The following ZNF644 variants were observed in gnomAD, a reference collection of about 807,000 sequenced individuals.
The protein encoded by ZNF644 is zinc finger protein 644.
A neutral mutation model predicts 108.0 loss-of-function variants in ZNF644; 20 were observed. The ratio of observed to expected loss-of-function variants is 0.19; its 90% CI spans 0.13 to 0.27. The LOEUF is 0.27. ZNF644 is among the 10% of genes least tolerant of loss of function. The probability of loss-of-function intolerance (pLI) is 1.00; values close to 1 mark genes in which losing one functional copy is unlikely to be tolerated. For synonymous variants in ZNF644, 542 were observed against 539.1 expected (o/e 1.01, Z -0.08); for missense variants, 1,338 against 1,548.9 (o/e 0.86, Z 2.29).
Position 90,969,484 on chromosome 1 carries a change from C to T in ZNF644, c.44+12826G>A, listed in dbSNP as rs186993730. On this transcript the variant is annotated intron_variant, in intron 2 of 5. Transcript: ENST00000337393. ...CAACTATGGTCTGAAAATATTAAAT[C>T]GAAAATTCCAAAAATAAACAATTCA... Among the ~76,000 whole-genome samples, 154 of 152,236 alleles carry T rather than the reference C, an allele frequency of 1.0e-3. 1 individual carries two copies. Among genetic ancestry groups the T allele is most frequent in the African/African-American group, 3.5e-3 (146 of 41,536 alleles).
chr1:90,937,587 G>C lies in ZNF644; in HGVS notation c.3586C>G (p.Gln1196Glu). 6 of 1,613,924 alleles carry C rather than the reference G, an allele frequency of 3.7e-6. No homozygotes were observed. Among genetic ancestry groups the C allele is most frequent in the Non-Finnish European group, 5.1e-6 (6 of 1,179,856 alleles). Reference protein sequence around the residue: ...SAISPQKIHNQTARKRFVQKC... With the variant: ...SAISPQKIHNETARKRFVQKC... ...TGAACGAATCTCTTTCTTGCTGTCT[G>C]ATTATGGATCTTTTGAGGAGAAATA... The change falls in exon 4 of 6, where the codon CAG becomes GAG. Residue 1196 changes from glutamine to glutamate, a missense_variant. Physicochemically the swap from Gln to Glu is conservative, Grantham distance 29 (BLOSUM62 2). Transcript: ENST00000337393.
intron 2 of ZNF644, among the ~76,000 whole-genome samples, chr1:90,980,836 A>G (rs957756689): frequency 4.6e-5 from 7 of 152,152 alleles, no homozygotes; most frequent in Non-Finnish European, 1.0e-4. Flanking sequence ...GGAAAGCACA[A>G]GGAACTTTCC....
intron 4 of ZNF644, among the ~76,000 whole-genome samples, chr1:90,928,988 C>T (rs116215634): frequency 9.2e-4 from 140 of 151,988 alleles, no homozygotes; most frequent in African/African-American, 3.0e-3. Context: ...ACTGGCTCAG[C>T]GATGAACAGT....
chr1:90,992,152 G>A (rs1273475204), intron 1 of ZNF644, among the ~76,000 whole-genome samples: 1 of 152,096 alleles, frequency 6.6e-6, no homozygotes, highest in Non-Finnish European at 1.5e-5. Context: ...CAAACAGGAA[G>A]AATACCAACA....
intron 2 of ZNF644, among the ~76,000 whole-genome samples, chr1:90,952,805 G>C (rs974295651): frequency 6.6e-6 from 1 of 152,040 alleles, no homozygotes; most frequent in Admixed American, 6.6e-5. Context: ...CAATACTTCT[G>C]AGATAATCGC....
intron 2 of ZNF644, among the ~76,000 whole-genome samples, chr1:90,943,420 A>G (rs28622465): frequency 0.013 from 1,937 of 152,316 alleles, 39 homozygotes; most frequent in African/African-American, 0.044. Flanking sequence ...CAGCCTGTGC[A>G]ACAGAGTGAG....
intron 1 of ZNF644, among the ~76,000 whole-genome samples, chr1:90,992,568 C>T (rs1216013796): frequency 6.6e-6 from 1 of 152,092 alleles, no homozygotes; most frequent in African/African-American, 2.4e-5. Context: ...GATTGATATA[C>T]AAAATTTGTA....
chr1:90,982,573 T>G (rs1385799032), intron 1 of ZNF644, among the ~76,000 whole-genome samples: 2 of 152,090 alleles, frequency 1.3e-5, no homozygotes, highest in Non-Finnish European at 2.9e-5. Context: ...CCTCACTGCT[T>G]TTTTTGAGAA....
intron 2 of ZNF644, among the ~76,000 whole-genome samples, chr1:90,956,262 T>G (rs1480933712): frequency 2.6e-5 from 4 of 152,208 alleles, no homozygotes; most frequent in Admixed American, 2.0e-4. Flanking sequence ...CTGTGAGGAT[T>G]ACCTAAATGT....
At chr1:91,001,130 T>C (rs1170116103) in intron 1 of ZNF644, among the ~76,000 whole-genome samples, 3 of 152,208 alleles carry the variant, frequency 2.0e-5, no homozygotes, top group Non-Finnish European at 4.4e-5. Context: ...GTACCATTCC[T>C]TCTGAAACTA....
chr1:90,980,013 C>T (rs1387088297), intron 2 of ZNF644, among the ~76,000 whole-genome samples: 1 of 152,100 alleles, frequency 6.6e-6, no homozygotes, highest in Admixed American at 6.6e-5. Flanking sequence ...TCCTATGGCC[C>T]AACAGCAACT....
At chr1:90,968,348 C>CT (rs1295582525) in intron 2 of ZNF644, among the ~76,000 whole-genome samples, 7 of 152,008 alleles carry the variant, frequency 4.6e-5, no homozygotes, top group Non-Finnish European at 8.8e-5. Flanking sequence ...GCATAGGCAA[C>CT]TTTTTGCCCC....
intron 1 of ZNF644, among the ~76,000 whole-genome samples, chr1:90,997,868 G>T (rs1009025031): frequency 2.6e-5 from 4 of 152,220 alleles, no homozygotes; most frequent in Non-Finnish European, 4.4e-5. Flanking sequence ...CTTTTCCAAT[G>T]GTCTTAGCAA....
chr1:91,013,266 A>G (rs772962597), intron 1 of ZNF644, among the ~76,000 whole-genome samples: 21 of 151,772 alleles, frequency 1.4e-4, no homozygotes, highest in Admixed American at 1.3e-4. Flanking sequence ...TAGAGACGGG[A>G]TATTTCATCA....
intron 2 of ZNF644, among the ~76,000 whole-genome samples, chr1:90,969,775 C>A (rs1304156330): frequency 1.3e-5 from 2 of 152,070 alleles, no homozygotes; most frequent in Non-Finnish European, 2.9e-5. Context: ...AACTTTATCA[C>A]AGATATGTGT....
intron 1 of ZNF644, among the ~76,000 whole-genome samples, chr1:91,001,826 A>T (rs1658866213): frequency 6.6e-6 from 1 of 152,224 alleles, no homozygotes; most frequent in Non-Finnish European, 1.5e-5. Context: ...CTGATAAGCA[A>T]CTTCAGCAAA....
At chr1:90,928,444 A>G (rs909102581) in intron 4 of ZNF644, among the ~76,000 whole-genome samples, 83 of 151,358 alleles carry the variant, frequency 5.5e-4, no homozygotes, top group African/African-American at 2.0e-3. Flanking sequence ...CAGCCTCCTG[A>G]ATAGCTGGGA....
At chr1:91,004,662 T>C (rs1006267043) in intron 1 of ZNF644, among the ~76,000 whole-genome samples, 1 of 152,108 alleles carries the variant, frequency 6.6e-6, no homozygotes, top group African/African-American at 2.4e-5. Context: ...ATTTAAAAGG[T>C]ATAAAAGGAT....
chr1:90,954,760 T>A lies in ZNF644; in HGVS notation c.45-13451A>T, dbSNP rs145326486. Among the ~76,000 whole-genome samples, 774 of 152,310 alleles carry A rather than the reference T, an allele frequency of 5.1e-3. 5 individuals carry two copies. Among genetic ancestry groups the A allele is most frequent in the Non-Finnish European group, 8.3e-3 (565 of 68,012 alleles). On this transcript the variant is annotated intron_variant, in intron 2 of 5. Coordinates refer to ENST00000337393, the MANE Select transcript of ZNF644 (RefSeq NM_201269.3). ...CTTCCTATTTCTACCACATCTACAG[T>A]TACTTGCTCCACTGTAGTCTTGCAT...
Sources: gnomAD v4.1 joint callset for allele counts (sites outside exome capture counted in the v4.1 genomes callset) on GRCh38, gnomAD v4.1.1 for gene constraint, MANE v1.5 for transcripts, NCBI Gene and HGNC (gene_info 2026-07-23, HGNC 2026-07-21) for gene names.